The following SNX24 variants were observed in gnomAD, a reference collection of about 807,000 sequenced individuals.
SNX24 encodes sorting nexin 24.
Under a neutral mutation model 28.7 loss-of-function variants are expected in SNX24, and 22 were observed. The ratio of observed to expected loss-of-function variants is 0.77; its 90% CI spans 0.55 to 1.10. The LOEUF (loss-of-function observed/expected upper bound fraction) is 1.10, where lower values mean the gene tolerates loss of function less well. Among genes scored for constraint, SNX24 ranks in the 50% least tolerant of loss-of-function variants. The pLI is 0.00. For missense variants in SNX24, 221 were observed against 201.1 expected (o/e 1.10, Z -0.60); for synonymous variants, 69 against 71.5 (o/e 0.96, Z 0.18).
At chr5:122,983,464 C>T (rs935271857) in intron 3 of SNX24, among the ~76,000 whole-genome samples, 7 of 152,150 alleles carry the variant, frequency 4.6e-5, no homozygotes, top group Non-Finnish European at 1.0e-4. Flanking sequence ...ACCTTAGACT[C>T]TGTTTATCTC....
intron 3 of SNX24, among the ~76,000 whole-genome samples, chr5:122,973,853 C>G (rs929614913): frequency 6.6e-6 from 1 of 152,182 alleles, no homozygotes. Flanking sequence ...CTCCAAAAAT[C>G]TTAGAGGCCT....
chr5:122,941,400 A>G (rs1328313263), intron 2 of SNX24, among the ~76,000 whole-genome samples: 2 of 152,100 alleles, frequency 1.3e-5, no homozygotes, highest in Non-Finnish European at 2.9e-5. Context: ...ACCTCATTAT[A>G]TGAGGTAAAA....
At position 122,880,070 on chromosome 5, in the gene SNX24, T is replaced by G. The variant is rs548789325; in HGVS notation, c.60+34377T>G. On this transcript the variant is annotated intron_variant, in intron 1 of 6. Coordinates refer to ENST00000261369, the MANE Select transcript of SNX24 (RefSeq NM_014035.4). ...TGAAGTCTGAGTTTAAGCAGAAAAC[T>G]GCTTCCTCCAACCTTCTGTTTACTT... Among the ~76,000 whole-genome samples the G allele has an allele frequency of 2.0e-5, 3 of 152,330 alleles. No individual in the cohort carries two copies. In the South Asian group the frequency reaches 6.2e-4, roughly 32 times the overall value.
intron 1 of SNX24, among the ~76,000 whole-genome samples, chr5:122,860,416 C>A (rs895233547): frequency 2.0e-5 from 3 of 152,146 alleles, no homozygotes; most frequent in Non-Finnish European, 4.4e-5. Context: ...AAGTTCCTGG[C>A]TCATGGTCCT....
intron 1 of SNX24, among the ~76,000 whole-genome samples, chr5:122,928,723 A>G (rs1758816809): frequency 6.6e-6 from 1 of 151,900 alleles, no homozygotes; most frequent in South Asian, 2.1e-4. Context: ...ATTTTAGCCC[A>G]TGAGACTTGA....
chr5:122,990,109 T>C (rs1290884545), intron 3 of SNX24, among the ~76,000 whole-genome samples: 1 of 152,210 alleles, frequency 6.6e-6, no homozygotes, highest in Non-Finnish European at 1.5e-5. Flanking sequence ...CTATGAGCCA[T>C]CTCCACAAGG....
At position 123,001,982 on chromosome 5, in the gene SNX24, A is replaced by G. The variant is rs751273667; in HGVS notation, c.420A>G (p.Pro140=). 5.0e-6 allele frequency: 8 copies of G among 1,614,118 alleles called. No homozygotes were observed. Among genetic ancestry groups the G allele is most frequent in the Middle Eastern group, 1.6e-4 (1 of 6,062 alleles). The part of the protein sequence containing the change: ...HQPVLLFLRD[P]YVLPAASDFP... The stretch of plus-strand genomic sequence containing the variant: ...CTGTGCTGCTGTTCCTCAGGGATCC[A>G]TATGTCTTGCCTGCAGCCAGCGGTA... The change falls in exon 6 of 7, where the codon CCA becomes CCG. Residue 140 remains proline, a synonymous_variant. Transcript: ENST00000261369.
At chr5:122,941,619 A>T (rs1303150371) in intron 2 of SNX24, among the ~76,000 whole-genome samples, 1 of 152,206 alleles carries the variant, frequency 6.6e-6, no homozygotes, top group African/African-American at 2.4e-5. Context: ...CCTAAATTTT[A>T]TCTAATTAGA....
intron 3 of SNX24, among the ~76,000 whole-genome samples, chr5:122,974,894 G>T (rs957533321): frequency 2.6e-5 from 4 of 152,190 alleles, no homozygotes; most frequent in Admixed American, 1.3e-4. Flanking sequence ...TGTGGGTGCT[G>T]CCAGCTGCTA....
chr5:122,948,558 G>C (rs952074117), intron 3 of SNX24: 1 of 152,132 alleles, frequency 6.6e-6, no homozygotes, highest in Non-Finnish European at 1.5e-5. Flanking sequence ...AATTTCCCAC[G>C]CATAAACAGG....
At chr5:122,971,538 A>C (rs1760958750) in intron 3 of SNX24, among the ~76,000 whole-genome samples, 1 of 152,230 alleles carries the variant, frequency 6.6e-6, no homozygotes, top group Non-Finnish European at 1.5e-5. Flanking sequence ...TGAGGTCATA[A>C]TTATGTGTAA....
intron 1 of SNX24, among the ~76,000 whole-genome samples, chr5:122,906,714 G>A (rs10043431): frequency 0.4 from 60,442 of 151,986 alleles, 12,552 homozygotes; most frequent in African/African-American, 0.48. Context: ...CACCATGTTG[G>A]CCAGGCTGGT....
intron 1 of SNX24, among the ~76,000 whole-genome samples, chr5:122,856,497 A>G (rs1326854317): frequency 6.6e-6 from 1 of 150,566 alleles, no homozygotes; most frequent in African/African-American, 2.4e-5. Flanking sequence ...CAATAATTGG[A>G]ATGCTGGGTC....
chr5:122,899,590 G>A, intron 1 of SNX24, among the ~76,000 whole-genome samples: 1 of 151,998 alleles, frequency 6.6e-6, no homozygotes, highest in Non-Finnish European at 1.5e-5. Flanking sequence ...TGTATTTTTT[G>A]TAGAGATGGG....
At chr5:122,849,812 T>C (rs1754812809) in intron 1 of SNX24, among the ~76,000 whole-genome samples, 1 of 152,242 alleles carries the variant, frequency 6.6e-6, no homozygotes, top group South Asian at 2.1e-4. Flanking sequence ...ATCTCCACTG[T>C]TGTATCCTAA....
At chr5:122,999,698 G>T (rs1762177393) in intron 3 of SNX24, among the ~76,000 whole-genome samples, 1 of 152,158 alleles carries the variant, frequency 6.6e-6, no homozygotes, top group Admixed American at 6.5e-5. Context: ...TTGAATGAAA[G>T]AACAGATAAA....
At chr5:122,871,792 A>T (rs1755993529) in intron 1 of SNX24, among the ~76,000 whole-genome samples, 1 of 152,140 alleles carries the variant, frequency 6.6e-6, no homozygotes, top group Non-Finnish European at 1.5e-5. Flanking sequence ...AAACAAAAAA[A>T]GCTTTTCTGA....
At chr5:122,859,171 T>C (rs1755339600) in intron 1 of SNX24, among the ~76,000 whole-genome samples, 1 of 152,220 alleles carries the variant, frequency 6.6e-6, no homozygotes, top group African/African-American at 2.4e-5. Flanking sequence ...CTTATCTTAG[T>C]CTTTCCTTAA....
chr5:122,940,322 C>T (rs1327581094), intron 2 of SNX24, among the ~76,000 whole-genome samples: 1 of 152,028 alleles, frequency 6.6e-6, no homozygotes, highest in East Asian at 1.9e-4. Flanking sequence ...TCCTACCATC[C>T]CAGTCCAGAG....
Sources: allele counts gnomAD v4.1 joint callset (sites outside exome capture counted in the v4.1 genomes callset), GRCh38; gene constraint gnomAD v4.1.1; transcripts MANE v1.5; gene names NCBI Gene and HGNC (gene_info 2026-07-23, HGNC 2026-07-21).